The following NFATC1 variants were observed in gnomAD, a reference collection of about 807,000 sequenced individuals.
NFATC1 encodes the protein nuclear factor of activated T-cells, cytoplasmic 1.
A neutral mutation model predicts 76.0 loss-of-function variants in NFATC1; 22 were observed. The observed-to-expected ratio is 0.29, with a 90% CI of 0.21 to 0.41. The LOEUF is 0.41. Ranked by LOEUF, NFATC1 falls within the 10% of genes least tolerant of loss-of-function variation. The pLI is 1.00. For synonymous variants in NFATC1, 704 were observed against 613.1 expected (o/e 1.15, Z -2.19); for missense variants, 1,357 against 1,337.7 (o/e 1.01, Z -0.23).
At chr18:79,469,585 G>C (rs1198940206) in intron 8 of NFATC1, 1 of 985,550 alleles carries the variant, frequency 1.0e-6, no homozygotes, top group Non-Finnish European at 1.2e-6. Flanking sequence ...TCTCAGCATT[G>C]TGCCCAGCGT....
At chr18:79,438,114 C>T (rs548982170) in intron 3 of NFATC1, among the ~76,000 whole-genome samples, 2 of 152,338 alleles carry the variant, frequency 1.3e-5, no homozygotes, top group South Asian at 4.1e-4. Flanking sequence ...CTCCCCGCTC[C>T]GTCCGAGGAG....
chr18:79,423,538 G>T (rs1013185143), intron 2 of NFATC1, among the ~76,000 whole-genome samples: 1 of 152,208 alleles, frequency 6.6e-6, no homozygotes, highest in South Asian at 2.1e-4. Context: ...TCGGTCCTGG[G>T]AACTGTGGGT....
chr18:79,478,455 C>T (rs1212528465), intron 8 of NFATC1, among the ~76,000 whole-genome samples: 1 of 152,150 alleles, frequency 6.6e-6, no homozygotes, highest in Non-Finnish European at 1.5e-5. Context: ...GCTCTGCCTG[C>T]CCTGGGGCTG....
At position 79,506,517 on chromosome 18, in the gene NFATC1, G is replaced by T. The variant is rs555292831; in HGVS notation, c.2782+19580G>T. The stretch of plus-strand genomic sequence containing the variant: ...TCACAGGGCCTGAGAGCTGAGTGTG[G>T]TTTCATAACGTGGTTCATTGGCCTC... On this transcript the variant is annotated intron_variant, in intron 9 of 9. Coordinates refer to ENST00000427363, the MANE Select transcript of NFATC1 (RefSeq NM_001278669.2). 3.3e-5 allele frequency among the ~76,000 whole-genome samples: 5 copies of T among 152,334 alleles called. No individual in the cohort carries two copies. In the East Asian group the frequency reaches 9.6e-4, roughly 29 times the overall value.
chr18:79,482,984 T>TGACCTGGTCCTGGGGTGTCACTTC (rs2089347949), intron 8 of NFATC1, among the ~76,000 whole-genome samples: 1 of 76,620 alleles, frequency 1.3e-5, no homozygotes. Context: ...GGTGTAATTC[T>TGACCTGGTCCTGGGGTGTCACTTC]AGCGTGACCT....
chr18:79,436,627 C>G (rs1054272751), intron 3 of NFATC1, among the ~76,000 whole-genome samples: 1 of 152,250 alleles, frequency 6.6e-6, no homozygotes, highest in Admixed American at 6.5e-5. Flanking sequence ...CAGAACGCAG[C>G]ACCTTCTCTC....
chr18:79,501,537 T>C, intron 9 of NFATC1, among the ~76,000 whole-genome samples: 1 of 152,008 alleles, frequency 6.6e-6, no homozygotes, highest in Non-Finnish European at 1.5e-5. Context: ...CAGGAAAAAG[T>C]AAAATTGTCT....
chr18:79,399,609 G>A (rs117011420), intron 1 of NFATC1, among the ~76,000 whole-genome samples: 14,767 of 152,334 alleles, frequency 0.097, 1,025 homozygotes, highest in Non-Finnish European at 0.14. Context: ...CCTAGGGTGG[G>A]ACCCGAACTC....
chr18:79,467,274 C>T (rs1847717803), intron 7 of NFATC1, among the ~76,000 whole-genome samples, 176 bp from the exon 8 acceptor site: 2 of 152,296 alleles, frequency 1.3e-5, no homozygotes, highest in South Asian at 2.1e-4. Context: ...GGGAGTTTAC[C>T]GTCACGGCAG....
chr18:79,431,828 G>A (rs545055532), intron 2 of NFATC1, among the ~76,000 whole-genome samples: 5 of 152,158 alleles, frequency 3.3e-5, no homozygotes, highest in African/African-American at 4.8e-5. Flanking sequence ...TCAGCCTCTC[G>A]AGTAGCTGGG....
chr18:79,396,641 G>A lies in NFATC1; in HGVS notation c.127+290G>A, dbSNP rs1299029456. Among the ~76,000 whole-genome samples the A allele has an allele frequency of 5.9e-5, 9 of 152,332 alleles. No individual in the cohort carries two copies. In the East Asian group the frequency reaches 1.5e-3, roughly 26 times the overall value. On this transcript the variant is annotated intron_variant, in intron 1 of 9. Transcript: ENST00000427363. ...CCGCCGAGGAAGCGGCTCGCAGGCCGGCGATTTGGGGACGGGCGAGGCTGG... is the reference window on the plus strand; with the variant it reads ...CCGCCGAGGAAGCGGCTCGCAGGCCAGCGATTTGGGGACGGGCGAGGCTGG...
intron 3 of NFATC1, among the ~76,000 whole-genome samples, chr18:79,443,082 G>A (rs566869532): frequency 3.3e-5 from 5 of 152,228 alleles, no homozygotes; most frequent in East Asian, 3.9e-4. Context: ...TTTTTCAGTC[G>A]CGGCTGGAAG....
intron 3 of NFATC1, 83 bp downstream of exon 3, chr18:79,433,821 A>G (rs2086681134): frequency 2.7e-6 from 4 of 1,506,910 alleles, no homozygotes; most frequent in Non-Finnish European, 3.6e-6. Context: ...AACTGTGCTT[A>G]GACTCTCCCA....
intron 3 of NFATC1, among the ~76,000 whole-genome samples, chr18:79,445,223 T>A (rs2087155692): frequency 6.6e-6 from 1 of 152,266 alleles, no homozygotes; most frequent in Non-Finnish European, 1.5e-5. Flanking sequence ...TCTGCTTTGG[T>A]GTGCCGTGGG....
chr18:79,439,729 C>T (rs539626504), intron 3 of NFATC1, among the ~76,000 whole-genome samples: 1 of 152,206 alleles, frequency 6.6e-6, no homozygotes, highest in Non-Finnish European at 1.5e-5. Flanking sequence ...AAGCCCGAGC[C>T]TTCCCCGTGT....
In NFATC1 at chr18:79,485,563, GA is replaced by G. The variant is rs200950206; in HGVS notation, c.2093-684del. On this transcript the variant is annotated intron_variant, in intron 8 of 9. Coordinates refer to ENST00000427363, the MANE Select transcript of NFATC1 (RefSeq NM_001278669.2). Reference sequence around the variant, plus strand: ...CCGGGCCTGGCGGAGCAGCCTTGGGGACCCAGCACCCGCCCTGTGGGCTCTT... The same window carrying G: ...CCGGGCCTGGCGGAGCAGCCTTGGGGCCCAGCACCCGCCCTGTGGGCTCTT... 9.2e-3 allele frequency among the ~76,000 whole-genome samples: 1,396 copies of G among 152,216 alleles called. 8 individuals are homozygous for G. The highest frequency in any genetic ancestry group is 0.027 in the Middle Eastern group (8 of 294).
chr18:79,508,661 G>A (rs1376275344), intron 9 of NFATC1, among the ~76,000 whole-genome samples: 1 of 151,442 alleles, frequency 6.6e-6, no homozygotes, highest in Non-Finnish European at 1.5e-5. Context: ...TTCTCAGTCT[G>A]TCTCTCTGTC....
chr18:79,404,843 CG>C (rs1555897970), intron 1 of NFATC1, among the ~76,000 whole-genome samples: 1 of 152,178 alleles, frequency 6.6e-6, no homozygotes, highest in Non-Finnish European at 1.5e-5. Flanking sequence ...CTCAGCACGG[CG>C]GGGTCTGCAA....
At chr18:79,397,981 C>T (rs1005938396) in intron 1 of NFATC1, among the ~76,000 whole-genome samples, 1 of 152,224 alleles carries the variant, frequency 6.6e-6, no homozygotes, top group African/African-American at 2.4e-5. Context: ...TTGATACACA[C>T]AGGCCGGCAG....
Sources: gnomAD v4.1 joint callset for allele counts (sites outside exome capture counted in the v4.1 genomes callset) on GRCh38, gnomAD v4.1.1 for gene constraint, MANE v1.5 for transcripts, NCBI Gene and HGNC (gene_info 2026-07-23, HGNC 2026-07-21) for gene names.